The following OSBPL2 variants were observed in gnomAD, a reference collection of about 807,000 sequenced individuals.
The protein encoded by OSBPL2 is oxysterol-binding protein-related protein 2.
A neutral mutation model predicts 58.4 loss-of-function variants in OSBPL2; 18 were observed. The ratio of observed to expected loss-of-function variants is 0.31; its 90% CI spans 0.21 to 0.46. OSBPL2 has a LOEUF of 0.46. OSBPL2 is among the 20% of genes least tolerant of loss of function. The pLI, the probability that OSBPL2 is intolerant of heterozygous loss-of-function variation, is 1.00. For missense variants in OSBPL2, 461 were observed against 616.5 expected (o/e 0.75, Z 2.67); for synonymous variants, 221 against 234.1 (o/e 0.94, Z 0.51).
chr20:62,247,442 A>C (rs1031378253), intron 1 of OSBPL2, among the ~76,000 whole-genome samples: 1 of 152,140 alleles, frequency 6.6e-6, no homozygotes, highest in Admixed American at 6.5e-5. Flanking sequence ...CTCCCTGCGA[A>C]GCTCAGCGGG....
In OSBPL2 at chr20:62,263,679, G is replaced by T. The variant is rs201795737; in HGVS notation, c.246G>T (p.Lys82Asn). Residue 82 changes from lysine to asparagine, a missense_variant, in exon 4 of 14, where the codon AAG (lysine) becomes AAT (asparagine). Lys to Asn is a moderately conservative substitution (Grantham distance 94, BLOSUM62 0). Around this residue, in one of 5 missense-constraint regions of OSBPL2, gnomAD observed 38 missense variants for 74.2 expected, o/e 0.51. Coordinates refer to ENST00000313733, the MANE Select transcript of OSBPL2 (RefSeq NM_144498.4). Reference sequence around the variant, plus strand: ...TCAGCGTGTGGACCATCCTGAAGAAGTGTGTTGGCCTGGTGAGTCCGGGGG... The same window carrying T: ...TCAGCGTGTGGACCATCCTGAAGAATTGTGTTGGCCTGGTGAGTCCGGGGG... ...SDFSVWTILK[K>N]CVGLELSKIT... 3 of 1,614,062 alleles carry T rather than the reference G, an allele frequency of 1.9e-6. No homozygotes were observed. Among genetic ancestry groups the T allele is most frequent in the Non-Finnish European group, 2.5e-6 (3 of 1,180,034 alleles).
chr20:62,285,261 C>T (rs1047603214), intron 10 of OSBPL2: 1 of 152,172 alleles, frequency 6.6e-6, no homozygotes, highest in Non-Finnish European at 1.5e-5. Flanking sequence ...AGGGTAAATC[C>T]ATTTAGCGAT....
rs369538912 is a variant in OSBPL2 at position 62,284,034 on chromosome 20, A to G, written c.873-12A>G. On this transcript the variant is annotated splice_polypyrimidine_tract_variant and intron_variant, in intron 9 of 13. Transcript: ENST00000313733. ...ACTAAGACTTGTCTTTAAAAATCCCATTTAATTACAGCAAAAAGAAGCTCT... is the reference window on the plus strand; with the variant it reads ...ACTAAGACTTGTCTTTAAAAATCCCGTTTAATTACAGCAAAAAGAAGCTCT... 222 of 1,608,080 alleles carry G rather than the reference A, an allele frequency of 1.4e-4. No homozygotes were observed. The highest frequency in any genetic ancestry group is 1.5e-4 in the Non-Finnish European group (178 of 1,176,000).
intron 1 of OSBPL2, among the ~76,000 whole-genome samples, chr20:62,253,894 C>T (rs935662697): frequency 2.0e-5 from 3 of 152,040 alleles, no homozygotes; most frequent in South Asian, 4.2e-4. Flanking sequence ...CGGGTTCAAG[C>T]GATTCACCTG....
At chr20:62,286,343 G>T in intron 10 of OSBPL2, 2 of 373,154 alleles carry the variant, frequency 5.4e-6, no homozygotes, top group Admixed American at 4.1e-5. Context: ...CCAGCTACTC[G>T]GGAGGCTGAG....
chr20:62,283,011 A>G (rs984705683), intron 9 of OSBPL2, among the ~76,000 whole-genome samples: 6 of 152,248 alleles, frequency 3.9e-5, no homozygotes, highest in Non-Finnish European at 2.9e-5. Context: ...GGTAGCAGTC[A>G]TCAGTGCCTT....
intron 1 of OSBPL2, among the ~76,000 whole-genome samples, chr20:62,246,627 A>C (rs1311211312): frequency 6.6e-6 from 1 of 152,084 alleles, no homozygotes; most frequent in Admixed American, 6.5e-5. Context: ...GGGAGGGATG[A>C]GGTGTCAGAG....
intron 5 of OSBPL2, 31 bp from the exon 6 acceptor site, chr20:62,273,278 T>G (rs1347883469): frequency 1.3e-6 from 2 of 1,573,324 alleles, no homozygotes; most frequent in Admixed American, 3.5e-5. Context: ...TAACTGAAGC[T>G]GTGCCTGTCC....
intron 3 of OSBPL2, among the ~76,000 whole-genome samples, chr20:62,262,478 C>G (rs1981383179): frequency 6.6e-6 from 1 of 152,238 alleles, no homozygotes; most frequent in South Asian, 2.1e-4. Context: ...CTTTCCCCTC[C>G]TGGTAGCACC....
chr20:62,257,915 G>A (rs923180301), intron 2 of OSBPL2, among the ~76,000 whole-genome samples: 2 of 151,964 alleles, frequency 1.3e-5, no homozygotes, highest in Admixed American at 6.6e-5. Context: ...GGGTTTCACC[G>A]TGTTGGCCAG....
intron 3 of OSBPL2, among the ~76,000 whole-genome samples, chr20:62,260,385 T>TC: frequency 6.6e-6 from 1 of 152,170 alleles, no homozygotes; most frequent in Admixed American, 6.5e-5. Flanking sequence ...TCTGTTCCCC[T>TC]CCCTGCCCTC....
intron 1 of OSBPL2, among the ~76,000 whole-genome samples, chr20:62,244,303 C>G (rs1276736339): frequency 6.6e-6 from 1 of 152,008 alleles, no homozygotes; most frequent in Non-Finnish European, 1.5e-5. Context: ...TCTCCTTCTC[C>G]TCTAGCTGCA....
At chr20:62,252,914 G>A (rs964634809) in intron 1 of OSBPL2, among the ~76,000 whole-genome samples, 1 of 152,216 alleles carries the variant, frequency 6.6e-6, no homozygotes, top group African/African-American at 2.4e-5. Flanking sequence ...AAGCCGTGAG[G>A]GATCCACTCC....
intron 12 of OSBPL2, 69 bp from the exon 13 acceptor site, chr20:62,291,634 G>T: frequency 8.0e-7 from 1 of 1,249,714 alleles, no homozygotes; most frequent in Non-Finnish European, 1.2e-6. Flanking sequence ...AGAGATCTAG[G>T]TGCATAGGGG....
chr20:62,287,879 C>T (rs1009634975), intron 11 of OSBPL2, among the ~76,000 whole-genome samples: 7 of 152,280 alleles, frequency 4.6e-5, no homozygotes, highest in Admixed American at 6.5e-5. Context: ...GTTGAGTCCT[C>T]CTGCCTGCCA....
At chr20:62,283,070 T>C (rs949507060) in intron 9 of OSBPL2, among the ~76,000 whole-genome samples, 13 of 152,332 alleles carry the variant, frequency 8.5e-5, no homozygotes, top group African/African-American at 3.1e-4. Context: ...TGGCTGTCTG[T>C]TTCCAGAAAT....
intron 4 of OSBPL2, among the ~76,000 whole-genome samples, chr20:62,266,789 TACTTTAGAAAATA>T (rs751528917): frequency 3.2e-4 from 48 of 152,248 alleles, no homozygotes; most frequent in Non-Finnish European, 5.6e-4. Flanking sequence ...ATTATTATTA[TACTTTAGAAAATA>T]ACTTTAGAAA....
intron 1 of OSBPL2, among the ~76,000 whole-genome samples, chr20:62,254,244 C>G (rs940818919): frequency 2.0e-5 from 3 of 152,184 alleles, no homozygotes; most frequent in African/African-American, 7.2e-5. Flanking sequence ...TTTGGAGGGA[C>G]GCACATTCCA....
chr20:62,261,491 A>C (rs2145934902), intron 3 of OSBPL2, among the ~76,000 whole-genome samples: 1 of 152,224 alleles, frequency 6.6e-6, no homozygotes, highest in African/African-American at 2.4e-5. Flanking sequence ...CTGTAGGCCC[A>C]CACGCCTGCT....
Sources: allele counts gnomAD v4.1 joint callset (sites outside exome capture counted in the v4.1 genomes callset), GRCh38; gene constraint gnomAD v4.1.1; regional missense constraint gnomAD v4.1.1; transcripts MANE v1.5; gene names NCBI Gene and HGNC (gene_info 2026-07-23, HGNC 2026-07-21).